Variants in EYS observed in about 807,000 individuals in gnomAD.
The protein encoded by EYS is protein eyes shut homolog.
In EYS, 250 loss-of-function variants were observed where a neutral mutation model predicts 282.1. That is an observed-to-expected ratio of 0.89 (90% CI 0.80 to 0.98). The LOEUF (loss-of-function observed/expected upper bound fraction) is 0.98. Among genes scored for constraint, EYS ranks in the 50% least tolerant of loss-of-function variants. EYS has a pLI of 0.00. For missense variants in EYS, 4,016 were observed against 3,709.0 expected, an observed-to-expected ratio of 1.08 and a Z score of -2.15; for synonymous variants, 1,355 against 1,282.9, an observed-to-expected ratio of 1.06 and a Z score of -1.20.
At chr6:64,873,301 C>T (rs71570702) in intron 19 of EYS, among the ~76,000 whole-genome samples, 5,810 of 152,118 alleles carry the variant, frequency 0.038, 133 homozygotes, top group South Asian at 0.087. Flanking sequence ...GGGAAAGACC[C>T]ATCCCCATGA....
intron 33 of EYS, among the ~76,000 whole-genome samples, chr6:64,055,373 C>T (rs1163112234): frequency 3.3e-5 from 5 of 151,854 alleles, no homozygotes; most frequent in Non-Finnish European, 5.9e-5. Context: ...AAAGCACTTT[C>T]GTATACATGA....
intron 13 of EYS, among the ~76,000 whole-genome samples, chr6:65,056,541 G>A (rs374284609): frequency 1.6e-4 from 24 of 152,066 alleles, no homozygotes; most frequent in East Asian, 7.8e-4. Flanking sequence ...AGTGAGCTAC[G>A]ATAGCACCAC....
intron 2 of EYS, among the ~76,000 whole-genome samples, chr6:65,615,077 T>C (rs1004070540): frequency 6.6e-5 from 10 of 152,200 alleles, no homozygotes; most frequent in Non-Finnish European, 1.3e-4. Flanking sequence ...ATCATCGTGT[T>C]TGCTATTTCA....
At chr6:64,657,912 A>G (rs993261570) in intron 22 of EYS, among the ~76,000 whole-genome samples, 8 of 152,152 alleles carry the variant, frequency 5.3e-5, no homozygotes, top group African/African-American at 1.9e-4. Context: ...GCCTTGCTAG[A>G]TTGGGGAAGT....
intron 22 of EYS, among the ~76,000 whole-genome samples, chr6:64,765,339 C>T (rs1562179032): frequency 6.6e-6 from 1 of 152,108 alleles, no homozygotes; most frequent in Admixed American, 6.6e-5. Flanking sequence ...TCACTAGCAC[C>T]ATTTTGGTCA....
chr6:65,120,693 CCT>C (rs1561976442), intron 12 of EYS, among the ~76,000 whole-genome samples: 3 of 152,080 alleles, frequency 2.0e-5, no homozygotes, highest in Admixed American at 6.5e-5. Context: ...CCAATATCAT[CCT>C]CTCTTTCTGT....
intron 5 of EYS, among the ~76,000 whole-genome samples, chr6:65,408,807 A>T (rs1356767324): frequency 1.3e-5 from 2 of 152,034 alleles, no homozygotes; most frequent in African/African-American, 2.4e-5. Flanking sequence ...TAAAATATTG[A>T]TTTGAGAGTT....
At chr6:65,497,189 G>T (rs922640524) in intron 2 of EYS, among the ~76,000 whole-genome samples, 5 of 151,950 alleles carry the variant, frequency 3.3e-5, no homozygotes, top group African/African-American at 1.2e-4. Context: ...TATGTGCAAG[G>T]CAATATGCTC....
At chr6:65,252,942 G>A (rs1767364742) in intron 12 of EYS, among the ~76,000 whole-genome samples, 1 of 151,878 alleles carries the variant, frequency 6.6e-6, no homozygotes, top group Non-Finnish European at 1.5e-5. Context: ...AAAGTGAAGA[G>A]AGCCTCAGAC....
intron 22 of EYS, among the ~76,000 whole-genome samples, chr6:64,670,892 C>A (rs1223024074): frequency 6.6e-6 from 1 of 151,932 alleles, no homozygotes; most frequent in Non-Finnish European, 1.5e-5. Flanking sequence ...TCACCAGCAG[C>A]CTCCCTCCCC....
At chr6:64,247,027 G>A (rs982081599) in intron 30 of EYS, among the ~76,000 whole-genome samples, 5 of 151,868 alleles carry the variant, frequency 3.3e-5, no homozygotes, top group African/African-American at 1.2e-4. Flanking sequence ...ATAAATATGC[G>A]ATATTTTAGG....
intron 26 of EYS, among the ~76,000 whole-genome samples, chr6:64,556,417 G>A (rs982537272): frequency 6.6e-6 from 1 of 151,942 alleles, no homozygotes; most frequent in South Asian, 2.1e-4. Context: ...CATGATATTT[G>A]AGGAGAGAAA....
chr6:65,567,969 T>C (rs947047032), intron 2 of EYS, among the ~76,000 whole-genome samples: 3 of 152,050 alleles, frequency 2.0e-5, no homozygotes, highest in African/African-American at 7.2e-5. Flanking sequence ...TTTCCCCACC[T>C]CTCCATGTAT....
intron 31 of EYS, among the ~76,000 whole-genome samples, chr6:64,212,562 T>C (rs1016927629): frequency 2.0e-5 from 3 of 151,620 alleles, no homozygotes; most frequent in African/African-American, 7.3e-5. Context: ...ATTTGTGAGA[T>C]GGAGTACTTT....
chr6:65,443,555 T>C (rs1467216600), intron 5 of EYS, among the ~76,000 whole-genome samples: 1 of 149,720 alleles, frequency 6.7e-6, no homozygotes, highest in Non-Finnish European at 1.5e-5. Context: ...ATGATACGCA[T>C]ACATGTATAC....
intron 26 of EYS, among the ~76,000 whole-genome samples, chr6:64,546,360 C>T (rs1043693308): frequency 1.3e-5 from 2 of 152,138 alleles, no homozygotes; most frequent in African/African-American, 4.8e-5. Context: ...ACACCTTATA[C>T]AAAAATTAAT....
At chr6:65,668,036 A>G (rs1768259293) in intron 1 of EYS, among the ~76,000 whole-genome samples, 1 of 151,902 alleles carries the variant, frequency 6.6e-6, no homozygotes, top group Non-Finnish European at 1.5e-5. Flanking sequence ...TCAGTAGTAC[A>G]CAAAGCCAAT....
intron 31 of EYS, among the ~76,000 whole-genome samples, chr6:64,119,620 G>A (rs1030736027): frequency 8.5e-5 from 13 of 152,114 alleles, no homozygotes; most frequent in African/African-American, 2.9e-4. Context: ...CCAGTAATGG[G>A]TAATTTTAAA....
intron 33 of EYS, among the ~76,000 whole-genome samples, chr6:64,036,013 G>T (rs565243518): frequency 2.0e-5 from 3 of 152,170 alleles, no homozygotes; most frequent in East Asian, 1.9e-4. Flanking sequence ...TGACTGAAAA[G>T]ATTTTGAACT....
Sources: allele counts gnomAD v4.1 joint callset (sites outside exome capture counted in the v4.1 genomes callset), GRCh38; gene constraint gnomAD v4.1.1; transcripts MANE v1.5; gene names NCBI Gene and HGNC (gene_info 2026-07-23, HGNC 2026-07-21).